MED27: variants seen among roughly 807,000 people sequenced by gnomAD.
The protein encoded by MED27 is mediator of RNA polymerase II transcription subunit 27.
MED27 carries 30 observed loss-of-function variants against 38.2 expected under a neutral mutation model. The observed-to-expected ratio is 0.79, with a 90% CI of 0.59 to 1.07. The LOEUF is 1.07. MED27 is among the 50% of genes least tolerant of loss of function. The pLI, the probability that MED27 is intolerant of heterozygous loss-of-function variation, is 0.00. For synonymous variants in MED27, 122 were observed against 153.5 expected (o/e 0.79, Z 1.52); for missense variants, 289 against 397.5 (o/e 0.73, Z 2.32).
At chr9:132,009,274 C>T (rs77765468) in intron 3 of MED27, among the ~76,000 whole-genome samples, 5,380 of 152,202 alleles carry the variant, frequency 0.035, 319 homozygotes, top group African/African-American at 0.12. Context: ...TTCCTGTGTG[C>T]GATGTGATGG....
intron 5 of MED27, among the ~76,000 whole-genome samples, chr9:131,890,518 T>C (rs190994924): frequency 1.3e-5 from 2 of 152,362 alleles, no homozygotes; most frequent in East Asian, 3.9e-4. Context: ...CTGACTTATT[T>C]ACAACTTCAA....
At chr9:131,975,568 T>C (rs1434830880) in intron 3 of MED27, among the ~76,000 whole-genome samples, 1 of 152,224 alleles carries the variant, frequency 6.6e-6, no homozygotes, top group Non-Finnish European at 1.5e-5. Context: ...TCATTCATTC[T>C]TTTGACCACC....
At chr9:131,987,903 C>T (rs1025204889) in intron 3 of MED27, among the ~76,000 whole-genome samples, 1 of 152,220 alleles carries the variant, frequency 6.6e-6, no homozygotes, top group Non-Finnish European at 1.5e-5. Flanking sequence ...GCGGCTGGCC[C>T]TCCCTGGGCC....
intron 2 of MED27, among the ~76,000 whole-genome samples, chr9:132,065,384 G>A (rs142688598): frequency 1.3e-3 from 191 of 152,064 alleles, no homozygotes; most frequent in Non-Finnish European, 2.3e-3. Flanking sequence ...GAGAAGAGCG[G>A]CGGGCATCTC....
At chr9:131,965,484 T>C (rs568013887) in intron 3 of MED27, among the ~76,000 whole-genome samples, 46 of 152,360 alleles carry the variant, frequency 3.0e-4, no homozygotes, top group African/African-American at 9.4e-4. Context: ...ATGGATCAAT[T>C]TATTTATTTC....
chr9:132,078,117 T>C (rs1407494616), intron 1 of MED27, among the ~76,000 whole-genome samples: 1 of 152,198 alleles, frequency 6.6e-6, no homozygotes, highest in African/African-American at 2.4e-5. Context: ...AAGACACCAC[T>C]GAGGTGGCTG....
At chr9:131,957,843 T>A (rs1435299293) in intron 3 of MED27, among the ~76,000 whole-genome samples, 17 of 148,250 alleles carry the variant, frequency 1.1e-4, no homozygotes, top group Non-Finnish European at 1.8e-4. Flanking sequence ...CTTTAGGAGG[T>A]CAAGGTGGGA....
chr9:132,024,549 T>C (rs1329302592), intron 2 of MED27, among the ~76,000 whole-genome samples: 1 of 152,172 alleles, frequency 6.6e-6, no homozygotes, highest in Non-Finnish European at 1.5e-5. Context: ...CCTAAGCATG[T>C]CAGATAACAA....
intron 6 of MED27, among the ~76,000 whole-genome samples, chr9:131,864,033 T>C (rs1838695698): frequency 6.6e-6 from 1 of 152,184 alleles, no homozygotes; most frequent in Non-Finnish European, 1.5e-5. Flanking sequence ...CTCAGAACCC[T>C]GGTGGTTCTG....
In MED27 at chr9:131,945,275, G is replaced by A. The variant is rs188983915; in HGVS notation, c.480-5801C>T. Among the ~76,000 whole-genome samples, 18 of 151,576 alleles carry A rather than the reference G, an allele frequency of 1.2e-4. No homozygotes were observed. The East Asian group carries it at 1.9e-3, about 16-fold the overall frequency. On this transcript the variant is annotated intron_variant, in intron 3 of 7. Coordinates refer to ENST00000292035, the MANE Select transcript of MED27 (RefSeq NM_004269.4). Reference sequence around the variant, plus strand: ...TAAATCATGTTTCTGTGATAGAGCCGCAGGCTAGTTTTTGTTTATTTATTT... The same window carrying A: ...TAAATCATGTTTCTGTGATAGAGCCACAGGCTAGTTTTTGTTTATTTATTT...
At chr9:132,067,561 G>C (rs1459391479) in intron 2 of MED27, among the ~76,000 whole-genome samples, 4 of 152,180 alleles carry the variant, frequency 2.6e-5, no homozygotes, top group Non-Finnish European at 2.9e-5. Context: ...AAGAAGAGCA[G>C]GGAAAGTGGG....
intron 3 of MED27, among the ~76,000 whole-genome samples, chr9:131,940,557 A>G (rs1209310340): frequency 6.6e-6 from 1 of 152,062 alleles, no homozygotes. Flanking sequence ...CTGGGATTAC[A>G]GGCACCCACC....
intron 3 of MED27, among the ~76,000 whole-genome samples, chr9:131,971,649 C>A (rs541770345): frequency 1.3e-5 from 2 of 151,954 alleles, no homozygotes; most frequent in African/African-American, 4.8e-5. Context: ...TTAGTGGTGA[C>A]GGGGAGAAGA....
intron 2 of MED27, among the ~76,000 whole-genome samples, chr9:132,057,384 G>T (rs1833604158): frequency 6.6e-6 from 1 of 152,200 alleles, no homozygotes; most frequent in East Asian, 1.9e-4. Context: ...GTGGGCTGTG[G>T]TCTGCTGTGA....
chr9:132,026,084 T>C (rs1369587698), intron 2 of MED27, among the ~76,000 whole-genome samples: 5 of 152,176 alleles, frequency 3.3e-5, no homozygotes, highest in African/African-American at 9.7e-5. Flanking sequence ...ACTCCAATGA[T>C]GCTCAGCAGC....
At chr9:131,865,311 A>T (rs1838718362) in intron 6 of MED27, among the ~76,000 whole-genome samples, 1 of 152,182 alleles carries the variant, frequency 6.6e-6, no homozygotes, top group Non-Finnish European at 1.5e-5. Flanking sequence ...AGTAATGATA[A>T]CTTTGCAAAA....
At chr9:132,014,603 A>G in intron 2 of MED27, 136 bp from the exon 3 acceptor site, 1 of 845,386 alleles carries the variant, frequency 1.2e-6, no homozygotes, top group Non-Finnish European at 1.7e-6. Flanking sequence ...AACTGCTCAC[A>G]TTCTGCTTCA....
chr9:131,946,234 A>G (rs922435142), intron 3 of MED27, among the ~76,000 whole-genome samples: 2 of 152,206 alleles, frequency 1.3e-5, no homozygotes, highest in Non-Finnish European at 2.9e-5. Context: ...TCTCTTTGAC[A>G]CACTGACTTC....
intron 2 of MED27, among the ~76,000 whole-genome samples, chr9:132,064,314 A>T (rs1833764048): frequency 6.6e-6 from 1 of 152,212 alleles, no homozygotes; most frequent in Admixed American, 6.5e-5. Context: ...TGCACGGGCA[A>T]AATCGGCCTT....
Sources: allele counts gnomAD v4.1 joint callset (sites outside exome capture counted in the v4.1 genomes callset), GRCh38; gene constraint gnomAD v4.1.1; transcripts MANE v1.5; gene names NCBI Gene and HGNC (gene_info 2026-07-23, HGNC 2026-07-21).